Variants in CHRM3 observed in about 807,000 individuals in gnomAD.
The protein encoded by CHRM3 is muscarinic acetylcholine receptor M3.
Under a neutral mutation model 41.8 loss-of-function variants are expected in CHRM3, and 11 were observed. That is an observed-to-expected ratio of 0.26 (90% CI 0.17 to 0.44). The LOEUF is 0.44. CHRM3 is among the 20% of genes least tolerant of loss of function. The pLI, the probability that CHRM3 is intolerant of heterozygous loss-of-function variation, is 1.00. For synonymous variants in CHRM3, 297 were observed against 301.4 expected (o/e 0.99, Z 0.15); for missense variants, 571 against 745.4 (o/e 0.77, Z 2.72).
At chr1:239,741,162 A>T (rs981965876) in intron 5 of CHRM3, among the ~76,000 whole-genome samples, 7 of 152,296 alleles carry the variant, frequency 4.6e-5, no homozygotes, top group African/African-American at 1.7e-4. Flanking sequence ...ATGACATGGG[A>T]ACCTTCAGAA....
intron 5 of CHRM3, among the ~76,000 whole-genome samples, chr1:239,772,742 C>T (rs1359084207): frequency 6.6e-6 from 1 of 152,156 alleles, no homozygotes; most frequent in African/African-American, 2.4e-5. Flanking sequence ...ACAATTACCC[C>T]TTGTTTCTCT....
intron 5 of CHRM3, among the ~76,000 whole-genome samples, chr1:239,798,607 ACT>A (rs1270015741): frequency 2.6e-5 from 4 of 152,174 alleles, no homozygotes; most frequent in Admixed American, 2.0e-4. Flanking sequence ...TAGAAAAGTC[ACT>A]CTGCACATCA....
chr1:239,725,382 A>G (rs1026350174), intron 5 of CHRM3, among the ~76,000 whole-genome samples: 7 of 151,958 alleles, frequency 4.6e-5, no homozygotes, highest in Admixed American at 3.3e-4. Context: ...TTAAAATTGA[A>G]TATATTTCTC....
rs184141232 is a variant in CHRM3, at chr1:239,716,803, C to T, written c.-147+38515C>T. On this transcript the variant is annotated intron_variant, in intron 5 of 6. Coordinates refer to ENST00000676153, the MANE Select transcript of CHRM3 (RefSeq NM_001375978.1). ...GGGCCCAAACGTAGCTCAAGGGGAG[C>T]GGGGATGTAGCTCTCTGACAAAATG... 2.2e-3 allele frequency among the ~76,000 whole-genome samples: 337 copies of T among 151,970 alleles called. 8 individuals are homozygous for T. Among genetic ancestry groups the T allele is most frequent in the Non-Finnish European group, 3.7e-4 (25 of 67,916 alleles).
At chr1:239,764,866 C>T (rs150146278) in intron 5 of CHRM3, among the ~76,000 whole-genome samples, 371 of 152,320 alleles carry the variant, frequency 2.4e-3, no homozygotes, top group Non-Finnish European at 4.6e-3. Flanking sequence ...TTCAGTGAGC[C>T]AGAAATTGCC....
chr1:239,796,392 A>G (rs1669770702), intron 5 of CHRM3, among the ~76,000 whole-genome samples: 1 of 152,214 alleles, frequency 6.6e-6, no homozygotes, highest in African/African-American at 2.4e-5. Flanking sequence ...TTGAAATCAC[A>G]CAAGAGGAAC....
At chr1:239,411,908 TA>T (rs1281317892) in intron 1 of CHRM3, among the ~76,000 whole-genome samples, 2 of 151,846 alleles carry the variant, frequency 1.3e-5, no homozygotes, top group Non-Finnish European at 2.9e-5. Context: ...TTCAGATTCT[TA>T]GGCTGTTTTT....
chr1:239,618,566 C>T (rs1007428701), intron 3 of CHRM3, among the ~76,000 whole-genome samples: 15 of 151,796 alleles, frequency 9.9e-5, no homozygotes, highest in South Asian at 8.3e-4. Context: ...TCAAGATGGC[C>T]GGGCGCGGTG....
chr1:239,443,980 T>C (rs1464786315), intron 1 of CHRM3, among the ~76,000 whole-genome samples: 1 of 152,232 alleles, frequency 6.6e-6, no homozygotes, highest in Non-Finnish European at 1.5e-5. Flanking sequence ...CTATATTTAT[T>C]GTCTTAATGC....
In CHRM3 at chr1:239,797,611, G is replaced by T. The variant is rs1479824035; in HGVS notation, c.-146-29641G>T. ...ATCTGCCTCGTTCGTTCCCCATCGG[G>T]TCTATTTCCTTTTGTTCCAAAGCAT... On this transcript the variant is annotated intron_variant, in intron 5 of 6. Transcript: ENST00000676153. 3.3e-5 allele frequency among the ~76,000 whole-genome samples: 5 copies of T among 152,276 alleles called. No homozygotes were observed. In the East Asian group the frequency reaches 9.6e-4, roughly 29 times the overall value.
chr1:239,604,631 A>G (rs1019213222), intron 3 of CHRM3, among the ~76,000 whole-genome samples: 2 of 152,316 alleles, frequency 1.3e-5, no homozygotes, highest in African/African-American at 4.8e-5. Flanking sequence ...CTGGATCTCT[A>G]GAGGCTGGCA....
intron 4 of CHRM3, among the ~76,000 whole-genome samples, chr1:239,662,395 AT>A (rs1489703614): frequency 2.0e-5 from 3 of 152,302 alleles, no homozygotes; most frequent in Non-Finnish European, 2.9e-5. Context: ...GGGAAATAAA[AT>A]TAACCCAAAC....
intron 3 of CHRM3, among the ~76,000 whole-genome samples, chr1:239,618,843 G>GAA (rs1174760989): frequency 2.3e-4 from 18 of 76,770 alleles, no homozygotes; most frequent in South Asian, 4.4e-4. Flanking sequence ...GACTCTGTCA[G>GAA]AAAAAAAAAA....
chr1:239,434,065 T>A (rs544107650), intron 1 of CHRM3, among the ~76,000 whole-genome samples: 5 of 152,198 alleles, frequency 3.3e-5, no homozygotes, highest in South Asian at 2.1e-4. Context: ...GTTCAACACA[T>A]GCAATTAATT....
chr1:239,432,210 A>C (rs190226851), intron 1 of CHRM3, among the ~76,000 whole-genome samples: 9 of 152,040 alleles, frequency 5.9e-5, no homozygotes, highest in African/African-American at 1.7e-4. Flanking sequence ...TCACAATCTC[A>C]TGTGGAAGTG....
chr1:239,440,673 G>A (rs1436569107), intron 1 of CHRM3, among the ~76,000 whole-genome samples: 1 of 152,074 alleles, frequency 6.6e-6, no homozygotes, highest in East Asian at 1.9e-4. Flanking sequence ...TGTTTTCTTT[G>A]GTCTCTCTTA....
chr1:239,814,734 T>C (rs1286162802), intron 5 of CHRM3, among the ~76,000 whole-genome samples: 1 of 152,144 alleles, frequency 6.6e-6, no homozygotes, highest in Non-Finnish European at 1.5e-5. Context: ...GTCAGGTCAG[T>C]GATTTTTCCT....
intron 2 of CHRM3, among the ~76,000 whole-genome samples, chr1:239,513,428 T>C (rs1669055860): frequency 1.3e-5 from 2 of 152,204 alleles, no homozygotes; most frequent in Non-Finnish European, 2.9e-5. Context: ...TGTGTCTTCT[T>C]GGTGAGCAAT....
intron 4 of CHRM3, among the ~76,000 whole-genome samples, chr1:239,674,709 C>CAA (rs34078965): frequency 0.02 from 1,856 of 92,494 alleles, 62 homozygotes; most frequent in African/African-American, 0.057. Flanking sequence ...GACTCCATCT[C>CAA]AAAAAAAAAA....
Sources: gnomAD v4.1 joint callset for allele counts (sites outside exome capture counted in the v4.1 genomes callset) on GRCh38, gnomAD v4.1.1 for gene constraint, MANE v1.5 for transcripts, NCBI Gene and HGNC (gene_info 2026-07-23, HGNC 2026-07-21) for gene names.